MROH9: variants seen among roughly 807,000 people sequenced by gnomAD.
The protein encoded by MROH9 is maestro heat like repeat family member 9.
In MROH9, 92 loss-of-function variants were observed where a neutral mutation model predicts 98.2. The observed-to-expected ratio is 0.94, with a 90% CI of 0.79 to 1.11. The LOEUF is 1.11. Among genes scored for constraint, MROH9 ranks in the 50% most tolerant of loss-of-function variants. The probability of loss-of-function intolerance (pLI) is 0.00; values close to 1 mark genes in which losing one functional copy is unlikely to be tolerated. For missense variants in MROH9, 1,057 were observed against 1,014.8 expected (o/e 1.04, Z -0.57); for synonymous variants, 397 against 368.9 (o/e 1.08, Z -0.87).
chr1:170,937,745 G>C (rs915341424), intron 1 of MROH9, among the ~76,000 whole-genome samples: 2 of 151,760 alleles, frequency 1.3e-5, no homozygotes, highest in Admixed American at 1.3e-4. Context: ...GGATGGTCTC[G>C]ATCTCCTGAC....
chr1:171,020,205 T>G (rs1280055600), intron 17 of MROH9, among the ~76,000 whole-genome samples: 1 of 152,204 alleles, frequency 6.6e-6, no homozygotes, highest in Non-Finnish European at 1.5e-5. Flanking sequence ...GCTGGCATCA[T>G]TCCTTCTGAA....
At chr1:170,973,543 C>G (rs1650561230) in intron 8 of MROH9, among the ~76,000 whole-genome samples, 1 of 151,998 alleles carries the variant, frequency 6.6e-6, no homozygotes, top group Non-Finnish European at 1.5e-5. Context: ...TTCCTGCACT[C>G]AACAAGTTAA....
chr1:171,025,638 G>A (rs1243018943), intron 20 of MROH9, among the ~76,000 whole-genome samples: 1 of 152,122 alleles, frequency 6.6e-6, no homozygotes, highest in African/African-American at 2.4e-5. Context: ...TGCAAAATGT[G>A]TTCAGCAAAA....
At chr1:171,040,027 G>T (rs1920143) in intron 20 of MROH9, among the ~76,000 whole-genome samples, 1 of 151,884 alleles carries the variant, frequency 6.6e-6, no homozygotes, top group African/African-American at 2.4e-5. Flanking sequence ...AACATAGATG[G>T]TCCCTCCTGA....
At chr1:170,987,128 G>T (rs915723672) in intron 10 of MROH9, among the ~76,000 whole-genome samples, 7 of 152,080 alleles carry the variant, frequency 4.6e-5, no homozygotes, top group African/African-American at 1.7e-4. Context: ...AAGCATGAGG[G>T]TTACAGGCAT....
At chr1:170,992,878 G>A (rs929876284) in intron 12 of MROH9, among the ~76,000 whole-genome samples, 3 of 152,110 alleles carry the variant, frequency 2.0e-5, no homozygotes, top group Admixed American at 6.6e-5. Flanking sequence ...TCATGTAGGC[G>A]TTTGTAGTCA....
At chr1:171,012,802 C>A (rs1652203692) in intron 15 of MROH9, among the ~76,000 whole-genome samples, 1 of 152,148 alleles carries the variant, frequency 6.6e-6, no homozygotes, top group South Asian at 2.1e-4. Context: ...CGCACCCGGC[C>A]AAAACTATCA....
rs1009328932 is a variant in MROH9, at chr1:170,965,234, A to G, written c.459A>G (p.Thr153=). The G allele has an allele frequency of 1.9e-6, 3 of 1,609,296 alleles. No homozygotes were observed. In the African/African-American group the frequency reaches 4.0e-5, roughly 22 times the overall value. The part of the protein sequence containing the change: ...MVIINKVLRF[T]VTKVRKYISV... ...TCATCAACAAGGTGTTAAGATTTAC[A>G]GTCACAAAAGTCAGAAAATACGTAA... Residue 153 remains threonine, a synonymous_variant, in exon 7 of 22, where the codon ACA becomes ACG. Transcript: ENST00000367759.
At chr1:170,943,762 A>C (rs1159688967) in intron 1 of MROH9, among the ~76,000 whole-genome samples, 1 of 152,034 alleles carries the variant, frequency 6.6e-6, no homozygotes, top group Non-Finnish European at 1.5e-5. Flanking sequence ...TATTATATGC[A>C]GTCAAACTTT....
At chr1:170,978,932 G>C (rs1359290874) in intron 8 of MROH9, among the ~76,000 whole-genome samples, 2 of 152,196 alleles carry the variant, frequency 1.3e-5, no homozygotes, top group Non-Finnish European at 2.9e-5. Context: ...AGGGAGGTCT[G>C]TCCCAGGGAG....
At chr1:170,974,790 T>C (rs1247146658) in intron 8 of MROH9, among the ~76,000 whole-genome samples, 1 of 151,962 alleles carries the variant, frequency 6.6e-6, no homozygotes, top group Non-Finnish European at 1.5e-5. Flanking sequence ...TTAAATCTCT[T>C]TAAATGATAA....
chr1:171,064,020 G>T, intron 21 of MROH9, 79 bp from the exon 22 acceptor site: 1 of 1,378,676 alleles, frequency 7.3e-7, no homozygotes, highest in Non-Finnish European at 9.7e-7. Flanking sequence ...TGTGAAAGGT[G>T]GCAGGGCTGT....
intron 8 of MROH9, among the ~76,000 whole-genome samples, chr1:170,980,848 G>T (rs1650901186): frequency 6.6e-6 from 1 of 152,056 alleles, no homozygotes; most frequent in Admixed American, 6.6e-5. Context: ...CAGAATGGGA[G>T]AAAATGTTTG....
At position 171,024,518 on chromosome 1, in the gene MROH9, T is replaced by G. The variant is rs1442917286; in HGVS notation, c.2032T>G (p.Leu678Val). The G allele has an allele frequency of 6.5e-7, 1 of 1,537,504 alleles. No individual in the cohort carries two copies. The highest frequency in any genetic ancestry group is 8.8e-7 in the Non-Finnish European group (1 of 1,141,872). ...LEGLVPLILF[L>V]EDDDKRVAEA... Reference sequence around the variant, plus strand: ...AGGCTTGGTGCCCCTAATCCTATTTTTGGAGGATGATGATAAAAGAGTAGC... The same window carrying G: ...AGGCTTGGTGCCCCTAATCCTATTTGTGGAGGATGATGATAAAAGAGTAGC... The change falls in exon 18 of 22, where the codon TTG (leucine) becomes GTG (valine). Residue 678 changes from leucine to valine, a missense_variant. By Grantham distance (32) the Leu-to-Val change is conservative (BLOSUM62 1). Coordinates refer to ENST00000367759, the MANE Select transcript of MROH9 (RefSeq NM_001163629.2).
intron 4 of MROH9, among the ~76,000 whole-genome samples, 160 bp downstream of exon 4, chr1:170,958,700 T>C (rs1278107313): frequency 1.3e-5 from 2 of 152,236 alleles, no homozygotes; most frequent in Non-Finnish European, 2.9e-5. Context: ...CCCAGTCTTT[T>C]TGTATTGCGT....
intron 8 of MROH9, among the ~76,000 whole-genome samples, chr1:170,972,126 AGG>A (rs1192345490): frequency 6.6e-6 from 1 of 152,174 alleles, no homozygotes; most frequent in Admixed American, 6.5e-5. Flanking sequence ...GGTTAATGGT[AGG>A]GAGAGGAATG....
At chr1:171,022,809 CCAGGGG>C (rs1193379410) in intron 17 of MROH9, among the ~76,000 whole-genome samples, 1 of 151,868 alleles carries the variant, frequency 6.6e-6, no homozygotes, top group East Asian at 1.9e-4. Flanking sequence ...TTAATATATA[CCAGGGG>C]CTTTTCTAAA....
chr1:170,977,346 G>A (rs956726894), intron 8 of MROH9, among the ~76,000 whole-genome samples: 6 of 152,118 alleles, frequency 3.9e-5, no homozygotes, highest in African/African-American at 7.2e-5. Context: ...TTCTCAGTTC[G>A]GCATGAGGGT....
At chr1:170,991,966 A>G (rs547786227) in intron 11 of MROH9, among the ~76,000 whole-genome samples, 198 bp from the exon 12 acceptor site, 197 of 152,256 alleles carry the variant, frequency 1.3e-3, no homozygotes, top group Non-Finnish European at 2.2e-3. Flanking sequence ...TTTTATTTAA[A>G]TTCTTTCTCT....
Sources: gnomAD v4.1 joint callset for allele counts (sites outside exome capture counted in the v4.1 genomes callset) on GRCh38, gnomAD v4.1.1 for gene constraint, MANE v1.5 for transcripts, NCBI Gene and HGNC (gene_info 2026-07-23, HGNC 2026-07-21) for gene names.